Variants in TMEM260 observed in about 807,000 individuals in gnomAD.
TMEM260 encodes the protein transmembrane protein 260, also known as protein O-mannosyl-transferase TMEM260.
Under a neutral mutation model 88.9 loss-of-function variants are expected in TMEM260, and 82 were observed. That is an observed-to-expected ratio of 0.92 (90% CI 0.77 to 1.11). The LOEUF is 1.11. Among genes scored for constraint, TMEM260 ranks in the 50% least tolerant of loss-of-function variants. TMEM260 has a pLI of 0.00. For missense variants in TMEM260, 902 were observed against 853.4 expected (o/e 1.06, Z -0.71); for synonymous variants, 314 against 309.3 (o/e 1.02, Z -0.16).
intron 11 of TMEM260, 93 bp from the exon 12 acceptor site, chr14:56,625,289 A>G (rs889883110): frequency 1.6e-6 from 2 of 1,283,314 alleles, no homozygotes; most frequent in African/African-American, 3.0e-5. Context: ...GGTTGGTGCA[A>G]AAGTAATTTA....
rs1290307932 is a variant in TMEM260, at chr14:56,596,406, G to GTGTGTGTATATA, written c.345-7408_345-7407insGTGTGTATATAT. On this transcript the variant is annotated intron_variant, in intron 3 of 15. Transcript: ENST00000261556. Reference sequence around the variant, plus strand: ...AGTGTGTGTGTGTGTGTGTGTGTGTGTATATATATATATATATATACATAC... The same window carrying GTGTGTGTATATA: ...AGTGTGTGTGTGTGTGTGTGTGTGTGTGTGTGTATATATATATATATATATATATATACATAC... Among the ~76,000 whole-genome samples, 98 of 111,328 alleles carry GTGTGTGTATATA rather than the reference G, an allele frequency of 8.8e-4. No individual in the cohort carries two copies. In the East Asian group the frequency reaches 0.021, roughly 24 times the overall value. The allele number at this position is 111,328 out of a possible 152,430, so 73.0% of individuals were successfully genotyped here.
intron 14 of TMEM260, among the ~76,000 whole-genome samples, chr14:56,635,603 T>A (rs1888987768): frequency 6.6e-6 from 1 of 152,206 alleles, no homozygotes; most frequent in African/African-American, 2.4e-5. Flanking sequence ...TGTCATTGTT[T>A]TGTTTTTTAA....
chr14:56,653,132 A>T (rs1214026187), downstream of TMEM260, among the ~76,000 whole-genome samples: 1 of 151,840 alleles, frequency 6.6e-6, no homozygotes, highest in African/African-American at 2.4e-5. Context: ...CGTCTCTACT[A>T]AAAAATACAA....
At chr14:56,621,991 A>C (rs1887953450) in intron 11 of TMEM260, among the ~76,000 whole-genome samples, 2 of 152,174 alleles carry the variant, frequency 1.3e-5, no homozygotes, top group African/African-American at 4.8e-5. Flanking sequence ...TTAGGTCTCT[A>C]GTTCATGTGA....
chr14:56,636,364 G>C, intron 14 of TMEM260, 144 bp from the exon 15 acceptor site: 1 of 665,750 alleles, frequency 1.5e-6, no homozygotes, highest in Non-Finnish European at 2.7e-6. Context: ...CAGAGCAAAT[G>C]TCCATGAATA....
intron 1 of TMEM260, among the ~76,000 whole-genome samples, chr14:56,584,388 T>C (rs1885352405): frequency 6.6e-6 from 1 of 152,124 alleles, no homozygotes; most frequent in Admixed American, 6.5e-5. Flanking sequence ...ATTTTAGAAA[T>C]AGTCACTAAT....
At chr14:56,647,146 T>A (rs1890015415) in intron 15 of TMEM260, 97 bp from the exon 16 acceptor site, 3 of 1,373,362 alleles carry the variant, frequency 2.2e-6, no homozygotes, top group Admixed American at 2.7e-5. Flanking sequence ...GCTTGAATTT[T>A]TTTTTCTTGT....
At chr14:56,605,531 G>A in intron 4 of TMEM260, 39 bp from the exon 5 acceptor site, 1 of 1,193,788 alleles carries the variant, frequency 8.4e-7, no homozygotes, top group Non-Finnish European at 1.2e-6. Context: ...AGTTTTAGGT[G>A]AATTTTTTAC....
intron 3 of TMEM260, among the ~76,000 whole-genome samples, chr14:56,596,404 GTGTATA>G (rs1213692493): frequency 2.4e-5 from 3 of 127,064 alleles, no homozygotes; most frequent in African/African-American, 9.3e-5. Flanking sequence ...GTGTGTGTGT[GTGTATA>G]TATATATATA....
At chr14:56,610,057 C>T (rs541075821) in intron 6 of TMEM260, among the ~76,000 whole-genome samples, 1 of 151,816 alleles carries the variant, frequency 6.6e-6, no homozygotes, top group African/African-American at 2.4e-5. Flanking sequence ...ATCTATTGTT[C>T]AAGGGTACAT....
rs1447282370 is a variant in TMEM260, at chr14:56,649,303, C to G, written c.*1806C>G. Reference sequence around the variant, plus strand: ...CTTTTAATCATGGGCCAAGAACTTTCACTGACTTGAAAGTAACTTCTCCAC... The same window carrying G: ...CTTTTAATCATGGGCCAAGAACTTTGACTGACTTGAAAGTAACTTCTCCAC... On this transcript the variant is annotated 3_prime_UTR_variant, in exon 16 of 16. Coordinates refer to ENST00000261556, the MANE Select transcript of TMEM260 (RefSeq NM_017799.4). The G allele has an allele frequency of 6.6e-6, 1 of 152,652 alleles. No homozygotes were observed. The highest frequency in any genetic ancestry group is 1.5e-5 in the Non-Finnish European group (1 of 68,032). 9.5% of individuals were successfully genotyped at this position (152,652 alleles called of 1,614,324 possible).
At chr14:56,593,264 A>G (rs1002049578) in intron 3 of TMEM260, 1 of 151,546 alleles carries the variant, frequency 6.6e-6, no homozygotes, top group Non-Finnish European at 1.5e-5. Flanking sequence ...GATGCTTAAT[A>G]GCATCACATC....
At chr14:56,596,451 T>G (rs538657892) in intron 3 of TMEM260, among the ~76,000 whole-genome samples, 84 of 147,736 alleles carry the variant, frequency 5.7e-4, no homozygotes, top group East Asian at 3.2e-3. Flanking sequence ...TACATATATA[T>G]AGAGAGATAT....
chr14:56,616,989 C>G (rs975169799), intron 8 of TMEM260, among the ~76,000 whole-genome samples, 194 bp from the exon 9 acceptor site: 1 of 152,042 alleles, frequency 6.6e-6, no homozygotes, highest in African/African-American at 2.4e-5. Context: ...ACTGCGTAGT[C>G]CCAAGTTGTA....
chr14:56,623,704 A>G (rs1218948169), intron 11 of TMEM260, among the ~76,000 whole-genome samples: 3 of 152,236 alleles, frequency 2.0e-5, no homozygotes, highest in Non-Finnish European at 2.9e-5. Context: ...CACAGTGGGT[A>G]TGTAATTAAT....
In TMEM260 at chr14:56,617,206, T is replaced by TA; in HGVS notation, c.966dup (p.Trp323MetfsTer56). ...AGGGACAGACAGAATCCATCATTAGTATGGCTTTTTACTGGAATGTTTTGC... is the reference window on the plus strand; with the variant it reads ...AGGGACAGACAGAATCCATCATTAGTAATGGCTTTTTACTGGAATGTTTTGC... On this transcript the variant is annotated frameshift_variant, in exon 9 of 16. Coordinates refer to ENST00000261556, the MANE Select transcript of TMEM260 (RefSeq NM_017799.4). LOFTEE classifies it high-confidence loss of function. 1 of 1,600,708 alleles carries TA rather than the reference T, an allele frequency of 6.2e-7. No individual in the cohort carries two copies. The highest frequency in any genetic ancestry group is 1.1e-5 in the South Asian group (1 of 88,084).
At chr14:56,596,425 T>TATATATATATATAC (rs1490067903) in intron 3 of TMEM260, among the ~76,000 whole-genome samples, 6 of 135,640 alleles carry the variant, frequency 4.4e-5, no homozygotes, top group African/African-American at 1.7e-4. Context: ...TATATATATA[T>TATATATATATATAC]ACATACACAC....
At chr14:56,651,990 T>TA (rs1890215346), downstream of TMEM260, among the ~76,000 whole-genome samples, 1 of 152,260 alleles carries the variant, frequency 6.6e-6, no homozygotes, top group Non-Finnish European at 1.5e-5. Context: ...AGGTACTTGA[T>TA]ATTTCTCTCA....
chr14:56,662,635 C>CA, the TMEM260 span, among the ~76,000 whole-genome samples: 1 of 152,204 alleles, frequency 6.6e-6, no homozygotes, highest in East Asian at 1.9e-4. Flanking sequence ...ACTGATTAGA[C>CA]ACAGGGAAAC....
Sources: allele counts gnomAD v4.1 joint callset (sites outside exome capture counted in the v4.1 genomes callset), GRCh38; gene constraint gnomAD v4.1.1; transcripts MANE v1.5; gene names NCBI Gene and HGNC (gene_info 2026-07-23, HGNC 2026-07-21).